GLI2: variants seen among roughly 807,000 people sequenced by gnomAD.
GLI2 encodes the protein GLI family zinc finger 2.
Under a neutral mutation model 78.9 loss-of-function variants are expected in GLI2, and 22 were observed. That is an observed-to-expected ratio of 0.28 (90% confidence interval 0.20 to 0.40). GLI2 has a LOEUF of 0.40. Among genes scored for constraint, GLI2 ranks in the 10% least tolerant of loss-of-function variants. The pLI is 1.00. For synonymous variants in GLI2, 974 were observed against 963.7 expected (o/e 1.01, Z -0.20); for missense variants, 2,097 against 2,213.2 (o/e 0.95, Z 1.05).
At chr2:120,864,270 C>T (rs1688027844) in intron 2 of GLI2, among the ~76,000 whole-genome samples, 1 of 152,184 alleles carries the variant, frequency 6.6e-6, no homozygotes, top group Non-Finnish European at 1.5e-5. Context: ...CTGGTCTTGA[C>T]TGTAGTTTTG....
Position 120,989,008 on chromosome 2 carries a change from A to G in GLI2, c.3043A>G (p.Ser1015Gly). The change falls in exon 14 of 14, where the codon AGC becomes GGC. Residue 1015 changes from serine (S) to glycine (G), a missense_variant. By Grantham distance (56) the Ser-to-Gly change is moderately conservative. This residue lies in a region of GLI2 where 1,290 missense variants were observed against 1,261.7 expected (regional missense o/e 1.02). Coordinates refer to ENST00000361492, the MANE Select transcript of GLI2 (RefSeq NM_001374353.1). ...CTACTCGCCCCGGCCGCCTAGCATC[A>G]GCGAGAACGTGGCGATGGAGGCCGT... The part of the protein sequence containing the change: ...GAYSPRPPSI[S>G]ENVAMEAVAA... 7 of 1,599,620 alleles carry G rather than the reference A, an allele frequency of 4.4e-6. No homozygotes were observed. Among genetic ancestry groups the G allele is most frequent in the Non-Finnish European group, 4.2e-6 (5 of 1,177,004 alleles).
intron 2 of GLI2, among the ~76,000 whole-genome samples, chr2:120,886,845 C>A (rs1039381251): frequency 3.9e-5 from 6 of 152,186 alleles, no homozygotes; most frequent in African/African-American, 1.2e-4. Context: ...AGGCAGGAGA[C>A]CCTGCCCAGG....
At chr2:120,754,226 C>T (rs1422166369) in intron 1 of GLI2, among the ~76,000 whole-genome samples, 1 of 152,102 alleles carries the variant, frequency 6.6e-6, no homozygotes, top group Non-Finnish European at 1.5e-5. Context: ...GCTTATCTGC[C>T]CATATCCACA....
At chr2:120,893,982 C>T (rs1280808641) in intron 2 of GLI2, among the ~76,000 whole-genome samples, 2 of 152,324 alleles carry the variant, frequency 1.3e-5, no homozygotes, top group East Asian at 3.9e-4. Context: ...CTGACCCCTG[C>T]CCCTCCCAAA....
In GLI2 at chr2:120,992,019, C is replaced by CAA. The variant is rs1297262980; in HGVS notation, c.*1345_*1346insAA. On this transcript the variant is annotated 3_prime_UTR_variant, in exon 14 of 14. Coordinates refer to ENST00000361492, the MANE Select transcript of GLI2 (RefSeq NM_001374353.1). ...ATCTTCCCCACCATACACACACACACACACACACACACACACACACACACA... is the reference window on the plus strand; with the variant it reads ...ATCTTCCCCACCATACACACACACACAAACACACACACACACACACACACACA... 1.3e-5 allele frequency: 2 copies of CAA among 149,104 alleles called. No homozygotes were observed. The highest frequency in any genetic ancestry group is 5.1e-5 in the African/African-American group (2 of 38,950). The allele number at this position is 149,104 out of a possible 1,614,324, so 9.2% of individuals were successfully genotyped here.
chr2:120,904,956 C>T (rs1678448222), intron 2 of GLI2, among the ~76,000 whole-genome samples: 1 of 152,156 alleles, frequency 6.6e-6, no homozygotes, highest in African/African-American at 2.4e-5. Flanking sequence ...GAGCTGCAGG[C>T]TTTCCCTCAG....
intron 2 of GLI2, among the ~76,000 whole-genome samples, chr2:120,855,942 T>A (rs1192228753): frequency 6.6e-6 from 1 of 152,166 alleles, no homozygotes; most frequent in Non-Finnish European, 1.5e-5. Context: ...GTTACCCTAT[T>A]TAAAACACCA....
At chr2:120,804,400 A>G (rs932793451) in intron 2 of GLI2, among the ~76,000 whole-genome samples, 1 of 152,026 alleles carries the variant, frequency 6.6e-6, no homozygotes, top group African/African-American at 2.4e-5. Flanking sequence ...ATCTGATGCT[A>G]TCATGCCAGA....
Position 120,955,226 on chromosome 2 carries a change from C to G in GLI2, c.458-19C>G. Reference sequence around the variant, plus strand: ...AGTGCCAGGTTCTGACGGCTTCTTTCTCTCCCCTCTGCCCACAGTGGCCCA... The same window carrying G: ...AGTGCCAGGTTCTGACGGCTTCTTTGTCTCCCCTCTGCCCACAGTGGCCCA... On this transcript the variant is annotated intron_variant, in intron 4 of 13. Transcript: ENST00000361492. The G allele has an allele frequency of 8.1e-7, 1 of 1,231,500 alleles. No homozygotes were observed. Among genetic ancestry groups the G allele is most frequent in the Non-Finnish European group, 1.1e-6 (1 of 907,136 alleles). 76.3% of individuals were successfully genotyped at this position (1,231,500 alleles called of 1,614,324 possible).
At chr2:120,780,100 G>A (rs576338572) in intron 1 of GLI2, among the ~76,000 whole-genome samples, 5 of 152,040 alleles carry the variant, frequency 3.3e-5, no homozygotes, top group African/African-American at 1.2e-4. Flanking sequence ...AATACCTTTG[G>A]GTTTCTCGGT....
At chr2:120,882,871 G>A (rs1677220958) in intron 2 of GLI2, among the ~76,000 whole-genome samples, 1 of 151,820 alleles carries the variant, frequency 6.6e-6, no homozygotes, top group Non-Finnish European at 1.5e-5. Context: ...ACCCTTTTGA[G>A]GCATACAGTT....
At position 120,925,843 on chromosome 2, in the gene GLI2, C is replaced by T. The variant is rs186684845; in HGVS notation, c.149-1518C>T. ...ATCCCAGCACTTTGGGAGGCCGAGG[C>T]GGGCGGATCACAAGGTCAGGAGATT... On this transcript the variant is annotated intron_variant, in intron 2 of 13. Transcript: ENST00000361492. Among the ~76,000 whole-genome samples, 827 of 152,140 alleles carry T rather than the reference C, an allele frequency of 5.4e-3. 2 individuals carry two copies. The highest frequency in any genetic ancestry group is 8.1e-3 in the Admixed American group (124 of 15,294).
intron 5 of GLI2, among the ~76,000 whole-genome samples, chr2:120,956,152 G>C (rs926365575): frequency 2.0e-5 from 3 of 152,246 alleles, no homozygotes; most frequent in Admixed American, 6.5e-5. Context: ...TGGTAGAGGT[G>C]GGGAGAAGGG....
intron 1 of GLI2, among the ~76,000 whole-genome samples, chr2:120,771,683 C>T (rs1474435804): frequency 6.6e-6 from 1 of 152,238 alleles, no homozygotes; most frequent in African/African-American, 2.4e-5. Flanking sequence ...CAGCCTTAGG[C>T]TGTCTGATGC....
intron 1 of GLI2, among the ~76,000 whole-genome samples, chr2:120,744,248 C>T (rs1259383800): frequency 6.6e-6 from 1 of 152,218 alleles, no homozygotes; most frequent in East Asian, 1.9e-4. Flanking sequence ...TTTCTGCAGA[C>T]AGCTGTGGGT....
intron 1 of GLI2, among the ~76,000 whole-genome samples, chr2:120,744,504 G>T (rs973707583): frequency 6.6e-6 from 1 of 152,162 alleles, no homozygotes; most frequent in Non-Finnish European, 1.5e-5. Context: ...TGTAATTCAG[G>T]TACATTCATC....
At chr2:120,853,883 G>A (rs1281141905) in intron 2 of GLI2, among the ~76,000 whole-genome samples, 1 of 152,108 alleles carries the variant, frequency 6.6e-6, no homozygotes, top group East Asian at 1.9e-4. Context: ...TTTGCACGGT[G>A]GTGGTAGTGG....
intron 3 of GLI2, among the ~76,000 whole-genome samples, chr2:120,948,687 A>G (rs2104942238): frequency 6.6e-6 from 1 of 152,250 alleles, no homozygotes; most frequent in Non-Finnish European, 1.5e-5. Flanking sequence ...ATGTAGCTTG[A>G]AATCCCCACG....
At chr2:120,918,054 A>G (rs1679186595) in intron 2 of GLI2, among the ~76,000 whole-genome samples, 1 of 152,234 alleles carries the variant, frequency 6.6e-6, no homozygotes, top group Non-Finnish European at 1.5e-5. Context: ...CACTCTGTCA[A>G]GCAGTGAGTT....
Sources: allele counts gnomAD v4.1 joint callset (sites outside exome capture counted in the v4.1 genomes callset), GRCh38; gene constraint gnomAD v4.1.1; regional missense constraint gnomAD v4.1.1; transcripts MANE v1.5; gene names NCBI Gene and HGNC (gene_info 2026-07-23, HGNC 2026-07-21).